The following PRKCB variants were observed in gnomAD, a reference collection of about 807,000 sequenced individuals.
PRKCB encodes the protein protein kinase C beta, also known as protein kinase C beta type.
PRKCB carries 13 observed loss-of-function variants against 81.5 expected under a neutral mutation model. The ratio of observed to expected loss-of-function variants is 0.16; its 90% confidence interval spans 0.10 to 0.25. The LOEUF (loss-of-function observed/expected upper bound fraction) is 0.25, where lower values mean the gene tolerates loss of function less well. Among genes scored for constraint, PRKCB ranks in the 10% least tolerant of loss-of-function variants. The pLI is 1.00. For missense variants in PRKCB, 509 were observed against 875.7 expected, an observed-to-expected ratio of 0.58 and a Z score of 5.29; for synonymous variants, 335 against 321.4, an observed-to-expected ratio of 1.04 and a Z score of -0.45.
intron 2 of PRKCB, among the ~76,000 whole-genome samples, chr16:23,900,624 G>A (rs1238203869): frequency 7.5e-6 from 1 of 133,364 alleles, no homozygotes; most frequent in East Asian, 2.3e-4. Context: ...TTTTTTCCTT[G>A]TTGCCTTTTT....
chr16:23,858,542 G>GT (rs10591707), intron 2 of PRKCB, among the ~76,000 whole-genome samples: 107 of 150,900 alleles, frequency 7.1e-4, no homozygotes, highest in Non-Finnish European at 1.3e-3. Context: ...CCATCAAACT[G>GT]TTTTTTTTTT....
At chr16:24,009,059 A>G (rs996100358) in intron 3 of PRKCB, among the ~76,000 whole-genome samples, 2 of 152,134 alleles carry the variant, frequency 1.3e-5, no homozygotes, top group African/African-American at 2.4e-5. Flanking sequence ...AAAATATTCC[A>G]TCATATGCAT....
rs767358252 is a variant in PRKCB at position 24,172,302 on chromosome 16, TG to T, written c.1277del (p.Gly426AlafsTer42). 1 of 1,613,992 alleles carries T rather than the reference TG, an allele frequency of 6.2e-7. No individual in the cohort carries two copies. The highest frequency in any genetic ancestry group is 1.1e-5 in the South Asian group (1 of 91,062). ...RLYFVMEYVN[G>X]GDLMYHIQQV... The stretch of plus-strand genomic sequence containing the variant: ...TGTACTTTGTGATGGAGTACGTGAA[TG>T]GGGGCGACCTCATGTATCACATCCA... On this transcript the variant is annotated frameshift_variant, in exon 11 of 17. Transcript: ENST00000643927. LOFTEE classifies it high-confidence loss of function.
intron 8 of PRKCB, among the ~76,000 whole-genome samples, chr16:24,120,331 C>T (rs772730834): frequency 6.6e-5 from 10 of 152,124 alleles, no homozygotes; most frequent in South Asian, 2.1e-4. Context: ...GTGCACTTTG[C>T]GGTGCCCACC....
intron 2 of PRKCB, among the ~76,000 whole-genome samples, chr16:23,970,109 G>A (rs1037800815): frequency 1.3e-5 from 2 of 152,238 alleles, no homozygotes; most frequent in Non-Finnish European, 2.9e-5. Flanking sequence ...TGGAGGATGA[G>A]TGTTGCTCAA....
chr16:23,915,247 A>C (rs1963720742), intron 2 of PRKCB, among the ~76,000 whole-genome samples: 1 of 152,120 alleles, frequency 6.6e-6, no homozygotes, highest in Non-Finnish European at 1.5e-5. Context: ...TGCCTTTTAA[A>C]ACCCTCTCTC....
At chr16:24,069,238 G>A (rs1191395488) in intron 5 of PRKCB, among the ~76,000 whole-genome samples, 1 of 152,182 alleles carries the variant, frequency 6.6e-6, no homozygotes, top group Non-Finnish European at 1.5e-5. Flanking sequence ...TGAAATGCAG[G>A]AGGTGCCGTG....
rs562934342 is a variant in PRKCB, at chr16:23,837,788, C to G, written c.205+382C>G. On this transcript the variant is annotated intron_variant, in intron 2 of 16. Coordinates refer to ENST00000643927, the MANE Select transcript of PRKCB (RefSeq NM_002738.7). ...CTGCCCATGTCCCTTCCTTATCTCACCCAGGGAGGTTCTGCCTCTCCCTGC... is the reference window on the plus strand; with the variant it reads ...CTGCCCATGTCCCTTCCTTATCTCAGCCAGGGAGGTTCTGCCTCTCCCTGC... 4.6e-5 allele frequency among the ~76,000 whole-genome samples: 7 copies of G among 152,328 alleles called. No homozygotes were observed. In the East Asian group the frequency reaches 1.3e-3, roughly 29 times the overall value.
chr16:23,910,297 A>C (rs1963630955), intron 2 of PRKCB, among the ~76,000 whole-genome samples: 1 of 152,174 alleles, frequency 6.6e-6, no homozygotes, highest in African/African-American at 2.4e-5. Context: ...TTTAGAGCAA[A>C]GTTTCCCCAA....
At chr16:23,900,681 A>T (rs541340656) in intron 2 of PRKCB, among the ~76,000 whole-genome samples, 2 of 138,390 alleles carry the variant, frequency 1.4e-5, no homozygotes, top group East Asian at 4.2e-4. Flanking sequence ...ATATCAGCGC[A>T]TATAGAGCAG....
chr16:24,174,626 T>G lies in PRKCB; in HGVS notation c.1394+46T>G, dbSNP rs200456052. On this transcript the variant is annotated intron_variant, in intron 12 of 16. Coordinates refer to ENST00000643927, the MANE Select transcript of PRKCB (RefSeq NM_002738.7). ...TTTCCATCTCTTCATCTCCCTCAGC[T>G]CCTCCCTGCCCTGCCTCTTTCTTCA... 1.3e-3 allele frequency: 2,034 copies of G among 1,514,204 alleles called. 1 individual carries two copies. Among genetic ancestry groups the G allele is most frequent in the Non-Finnish European group, 1.6e-3 (1,796 of 1,096,308 alleles). 93.8% of individuals were successfully genotyped at this position (1,514,204 alleles called of 1,614,324 possible). A position where few individuals can be genotyped will look rare whatever the true frequency, so the allele number is the denominator to read the frequency against.
chr16:23,847,859 C>T (rs1308211607), intron 2 of PRKCB, among the ~76,000 whole-genome samples: 1 of 152,182 alleles, frequency 6.6e-6, no homozygotes, highest in Non-Finnish European at 1.5e-5. Flanking sequence ...AGCACATGGC[C>T]AATTAGTTCT....
intron 5 of PRKCB, among the ~76,000 whole-genome samples, chr16:24,082,050 A>G (rs970812414): frequency 2.6e-5 from 4 of 152,212 alleles, no homozygotes; most frequent in Non-Finnish European, 5.9e-5. Context: ...GTCAACACAC[A>G]AAAATCAATT....
intron 5 of PRKCB, among the ~76,000 whole-genome samples, chr16:24,041,585 G>A (rs550873531): frequency 6.0e-5 from 9 of 150,464 alleles, no homozygotes; most frequent in Non-Finnish European, 1.3e-4. Flanking sequence ...CCATTATATT[G>A]TGTTATACAG....
intron 16 of PRKCB, 124 bp downstream of exon 16, chr16:24,191,354 T>C (rs1967790661): frequency 1.8e-6 from 2 of 1,107,822 alleles, no homozygotes; most frequent in Non-Finnish European, 2.6e-6. Flanking sequence ...CATGGGTGTA[T>C]GTATTCACAC....
At chr16:23,904,401 G>A (rs1963526246) in intron 2 of PRKCB, among the ~76,000 whole-genome samples, 1 of 152,190 alleles carries the variant, frequency 6.6e-6, no homozygotes, top group Non-Finnish European at 1.5e-5. Flanking sequence ...GGTGGCTCAT[G>A]TCTGTAATCC....
At chr16:24,035,827 C>T (rs1596522468) in intron 5 of PRKCB, among the ~76,000 whole-genome samples, 1 of 152,368 alleles carries the variant, frequency 6.6e-6, no homozygotes, top group African/African-American at 2.4e-5. Flanking sequence ...GGACTTCTAA[C>T]TTCCTCAGGA....
intron 2 of PRKCB, among the ~76,000 whole-genome samples, chr16:23,973,446 G>A (rs773022917): frequency 2.6e-5 from 4 of 152,024 alleles, no homozygotes; most frequent in Non-Finnish European, 4.4e-5. Flanking sequence ...GCCTCTCAAA[G>A]TGCTGGGATT....
At chr16:24,152,096 A>G (rs1967088889) in intron 9 of PRKCB, among the ~76,000 whole-genome samples, 1 of 152,006 alleles carries the variant, frequency 6.6e-6, no homozygotes, top group Non-Finnish European at 1.5e-5. Context: ...GGGAGAGTGT[A>G]TTAGTCCGTT....
Sources: allele counts gnomAD v4.1 joint callset (sites outside exome capture counted in the v4.1 genomes callset), GRCh38; gene constraint gnomAD v4.1.1; transcripts MANE v1.5; gene names NCBI Gene and HGNC (gene_info 2026-07-23, HGNC 2026-07-21).